Variants in CLIP1 observed in about 807,000 individuals in gnomAD.
CLIP1 encodes the protein CAP-Gly domain containing linker protein 1.
In CLIP1, 66 loss-of-function variants were observed where a neutral mutation model predicts 161.6. The observed-to-expected ratio is 0.41, with a 90% confidence interval of 0.33 to 0.50. The LOEUF (loss-of-function observed/expected upper bound fraction) is 0.50. Ranked by LOEUF, CLIP1 falls within the 20% of genes least tolerant of loss-of-function variation. The pLI is 0.27. For missense variants in CLIP1, 1,376 were observed against 1,702.0 expected, an observed-to-expected ratio of 0.81 and a Z score of 3.37; for synonymous variants, 598 against 626.2, an observed-to-expected ratio of 0.96 and a Z score of 0.67.
At chr12:122,415,352 G>A (rs1449732117) in intron 1 of CLIP1, among the ~76,000 whole-genome samples, 3 of 151,044 alleles carry the variant, frequency 2.0e-5, no homozygotes, top group South Asian at 4.2e-4. Context: ...TGTGGTGGCG[G>A]GCGCCTGTAG....
In CLIP1 at chr12:122,352,762, C is replaced by T; in HGVS notation, c.1332G>A (p.Arg444=). Residue 444 remains arginine, a synonymous_variant, in exon 8 of 26, where the codon CGG becomes CGA. Coordinates refer to ENST00000620786, the MANE Select transcript of CLIP1 (RefSeq NM_001247997.2). The part of the protein sequence containing the change: ...EKRKVEDLQF[R]VEEESITKGD... ...CTTTGGTAATTGATTCTTCTTCAAC[C>T]CGGAACTGAAGGTCCTCAACCTTCC... is the stretch of plus-strand genomic sequence containing the variant. 1 of 1,614,034 alleles carries T rather than the reference C, an allele frequency of 6.2e-7. No individual in the cohort carries two copies. Among genetic ancestry groups the T allele is most frequent in the African/African-American group, 1.3e-5 (1 of 75,006 alleles).
chr12:122,348,664 T>A (rs1203447503), intron 9 of CLIP1, among the ~76,000 whole-genome samples: 2 of 151,434 alleles, frequency 1.3e-5, no homozygotes, highest in African/African-American at 4.9e-5. Context: ...ACACAAGAGG[T>A]TATCAGTTAT....
intron 18 of CLIP1, among the ~76,000 whole-genome samples, chr12:122,318,438 C>T (rs1951352890): frequency 6.6e-6 from 1 of 152,064 alleles, no homozygotes; most frequent in Non-Finnish European, 1.5e-5. Context: ...GAGGCTGAGG[C>T]AGGAGAATCA....
chr12:122,275,644 G>GCGCACACACACACACACGCGCGCACACA (rs773370301), intron 24 of CLIP1: 1 of 147,538 alleles, frequency 6.8e-6, no homozygotes, highest in East Asian at 2.0e-4. Context: ...ACACACACGC[G>GCGCACACACACACACACGCGCGCACACA]CACACACACA....
intron 20 of CLIP1, among the ~76,000 whole-genome samples, chr12:122,300,559 G>C (rs549037460): frequency 1.3e-5 from 2 of 152,146 alleles, no homozygotes; most frequent in East Asian, 1.9e-4. Flanking sequence ...ATTTTCTTAG[G>C]TATAAATTAA....
chr12:122,334,160 T>C, intron 13 of CLIP1, 50 bp from the exon 14 acceptor site: 1 of 1,150,580 alleles, frequency 8.7e-7, no homozygotes, highest in African/African-American at 1.5e-5. Flanking sequence ...TTTAATAAGC[T>C]ATCTGGAGCT....
At chr12:122,358,455 AAG>A (rs932388522) in intron 5 of CLIP1, among the ~76,000 whole-genome samples, 2 of 57,030 alleles carry the variant, frequency 3.5e-5, no homozygotes, top group Non-Finnish European at 6.6e-5. Flanking sequence ...AAAAAGAAAA[AAG>A]AAAAAAAAAA....
At chr12:122,388,846 G>A (rs112940445) in intron 1 of CLIP1, among the ~76,000 whole-genome samples, 3,006 of 152,160 alleles carry the variant, frequency 0.02, 70 homozygotes, top group African/African-American at 0.049. Flanking sequence ...AAGTGCTGGG[G>A]TCATAGGCAT....
At chr12:122,414,025 T>C (rs1956638837) in intron 1 of CLIP1, among the ~76,000 whole-genome samples, 1 of 152,230 alleles carries the variant, frequency 6.6e-6, no homozygotes, top group Admixed American at 6.5e-5. Context: ...TCTCCCTCTG[T>C]TCCCTTGATT....
At position 122,311,978 on chromosome 12, in the gene CLIP1, A is replaced by G. The variant is rs1051974018; in HGVS notation, c.3474-2096T>C. On this transcript the variant is annotated intron_variant, in intron 19 of 25. Transcript: ENST00000620786. This position sits in a 1 kb window ranked among gnomAD's most constrained non-coding sequence, Gnocchi z 4.3. The stretch of plus-strand genomic sequence containing the variant: ...TCTTTAGTGGGTAGTGGGTGAATCC[A>G]TTTCATAGAGGAAAGAGGCTCCAAT... 3.3e-5 allele frequency among the ~76,000 whole-genome samples: 5 copies of G among 152,202 alleles called. No individual in the cohort carries two copies. The highest frequency in any genetic ancestry group is 1.2e-4 in the African/African-American group (5 of 41,454).
chr12:122,332,520 C>G (rs1952025328), intron 15 of CLIP1, among the ~76,000 whole-genome samples: 1 of 152,016 alleles, frequency 6.6e-6, no homozygotes, highest in African/African-American at 2.4e-5. Context: ...TCCTGGGTTT[C>G]AAGTGATTCT....
At chr12:122,405,764 A>T (rs553658353) in intron 1 of CLIP1, among the ~76,000 whole-genome samples, 12 of 145,196 alleles carry the variant, frequency 8.3e-5, no homozygotes, top group Non-Finnish European at 1.2e-4. Context: ...CTATCTCAAA[A>T]AAAAAAACAA....
Position 122,379,943 on chromosome 12 carries a change from T to TAAAAAA in CLIP1, c.85+424_85+425insTTTTTT, listed in dbSNP as rs1566198620. The stretch of plus-strand genomic sequence containing the variant: ...TGGGGAATAGAGCAAGACTCCATCT[T>TAAAAAA]TAAAAAAAAAAAAAAAAAATGCAAG... On this transcript the variant is annotated intron_variant, in intron 2 of 25. Coordinates refer to ENST00000620786, the MANE Select transcript of CLIP1 (RefSeq NM_001247997.2). Among the ~76,000 whole-genome samples, 70 of 70,402 alleles carry TAAAAAA rather than the reference T, an allele frequency of 9.9e-4. 9 individuals carry two copies. The East Asian group carries it at 0.011, about 11-fold the overall frequency. 46.2% of individuals were successfully genotyped at this position (70,402 alleles called of 152,430 possible).
intron 2 of CLIP1, among the ~76,000 whole-genome samples, chr12:122,379,869 C>T (rs186171116): frequency 4.3e-5 from 6 of 140,816 alleles, no homozygotes; most frequent in East Asian, 4.4e-4. Flanking sequence ...GCTTGAACCC[C>T]GGAGGTGGAG....
chr12:122,349,643 A>G (rs1593129533), intron 9 of CLIP1, among the ~76,000 whole-genome samples: 1 of 152,240 alleles, frequency 6.6e-6, no homozygotes, highest in East Asian at 1.9e-4. Context: ...TTGTAAAATC[A>G]TTCCTTTCTT....
intron 1 of CLIP1, chr12:122,395,908 G>A (rs1955894446): frequency 6.6e-6 from 1 of 152,188 alleles, no homozygotes; most frequent in Admixed American, 6.6e-5. Flanking sequence ...TCAAGAGATA[G>A]AGACAACCCT....
At chr12:122,369,529 T>G (rs1049145056) in intron 3 of CLIP1, among the ~76,000 whole-genome samples, 3 of 151,858 alleles carry the variant, frequency 2.0e-5, no homozygotes, top group Non-Finnish European at 4.4e-5. Flanking sequence ...GCTCCTACTA[T>G]GTGCCAGGCC....
intron 17 of CLIP1, among the ~76,000 whole-genome samples, chr12:122,327,743 C>T (rs1951761893): frequency 6.6e-6 from 1 of 151,976 alleles, no homozygotes; most frequent in Non-Finnish European, 1.5e-5. Context: ...CAGGAAACAC[C>T]GTCCGAGAAG....
intron 24 of CLIP1, chr12:122,276,527 A>G: frequency 4.8e-6 from 6 of 1,262,992 alleles, no homozygotes; most frequent in Non-Finnish European, 6.2e-6. Flanking sequence ...ACTGTTAGTT[A>G]TTAAGCCCAG....
Sources: gnomAD v4.1 joint callset for allele counts (sites outside exome capture counted in the v4.1 genomes callset) on GRCh38, gnomAD v4.1.1 for gene constraint, Gnocchi (gnomAD v3.1) non-coding constraint, MANE v1.5 for transcripts, NCBI Gene and HGNC (gene_info 2026-07-23, HGNC 2026-07-21) for gene names.